ZMYM6: variants seen among roughly 807,000 people sequenced by gnomAD.
The protein encoded by ZMYM6 is zinc finger MYM-type protein 6.
In ZMYM6, 90 loss-of-function variants were observed where a neutral mutation model predicts 134.0. The observed-to-expected ratio is 0.67, with a 90% confidence interval of 0.57 to 0.80. The LOEUF (loss-of-function observed/expected upper bound fraction) is 0.80, where lower values mean the gene tolerates loss of function less well. Ranked by LOEUF, ZMYM6 falls within the 30% of genes least tolerant of loss-of-function variation. The pLI, the probability that ZMYM6 is intolerant of heterozygous loss-of-function variation, is 0.00. For missense variants in ZMYM6, 1,362 were observed against 1,533.9 expected (o/e 0.89, Z 1.87); for synonymous variants, 481 against 524.1 (o/e 0.92, Z 1.12).
Position 34,989,473 on chromosome 1 carries a change from T to C in ZMYM6, c.2147-538A>G, listed in dbSNP as rs370800683. ...GGGTAGCTAAAGCAAGAGGATTGCC[T>C]GAGCCCAGGAGGTTGAGCCTGCAGA... On this transcript the variant is annotated intron_variant, in intron 15 of 15. Coordinates refer to ENST00000357182, the MANE Select transcript of ZMYM6 (RefSeq NM_007167.4). The C allele has an allele frequency of 7.8e-4, 120 of 154,112 alleles. 2 individuals are homozygous for C. In the South Asian group the frequency reaches 0.019, roughly 24 times the overall value. The allele number at this position is 154,112 out of a possible 1,614,324, so 9.5% of individuals were successfully genotyped here. A position where few individuals can be genotyped will look rare whatever the true frequency, so the allele number is the denominator to read the frequency against.
Position 35,024,230 on chromosome 1 carries a change from C to T in ZMYM6, c.94-3763G>A, listed in dbSNP as rs183336408. On this transcript the variant is annotated intron_variant, in intron 2 of 15. Transcript: ENST00000357182. ...CTTTTTAGCTATAGCTGAAATAGTG[C>T]TATTTTAGAATAATTATGTTCCAAG... Among the ~76,000 whole-genome samples, 221 of 152,272 alleles carry T rather than the reference C, an allele frequency of 1.5e-3. 1 individual carries two copies. Among genetic ancestry groups the T allele is most frequent in the African/African-American group, 4.8e-3 (198 of 41,544 alleles).
chr1:35,014,562 T>C, intron 6 of ZMYM6, 135 bp downstream of exon 6: 1 of 857,672 alleles, frequency 1.2e-6, no homozygotes. Context: ...TCAGAATCTA[T>C]CCCATTTTCT....
chr1:34,996,862 AT>A (rs1379721704), intron 14 of ZMYM6, among the ~76,000 whole-genome samples: 1 of 152,132 alleles, frequency 6.6e-6, no homozygotes, highest in Non-Finnish European at 1.5e-5. Flanking sequence ...ATGTAGAGCT[AT>A]TTTTTTCTAA....
rs142879653 is a variant in ZMYM6 at position 35,010,783 on chromosome 1, G to C, written c.1316C>G (p.Thr439Arg). ...CTTGTAAAAAAGAAGTTCTGGTTTT[G>C]TGGCAAATAGATGGTTACAGTGCTG... ...KCQHCNHLFATKPELLFYKGK... is the reference protein window; with the variant it reads ...KCQHCNHLFARKPELLFYKGK... Residue 439 changes from threonine (T) to arginine (R), a missense_variant, in exon 9 of 16, where the codon ACA (threonine) becomes AGA (arginine). Physicochemically the swap from Thr to Arg is moderately conservative, Grantham distance 71 (BLOSUM62 -1). Around this residue, in one of 3 missense-constraint regions of ZMYM6, gnomAD observed 503 missense variants for 520.8 expected, o/e 0.97. Coordinates refer to ENST00000357182, the MANE Select transcript of ZMYM6 (RefSeq NM_007167.4). 3 of 1,572,664 alleles carry C rather than the reference G, an allele frequency of 1.9e-6. No homozygotes were observed. The highest frequency in any genetic ancestry group is 1.7e-4 in the Middle Eastern group (1 of 5,808).
chr1:34,992,078 A>G (rs1443571627), intron 15 of ZMYM6, 156 bp downstream of exon 15: 1 of 924,616 alleles, frequency 1.1e-6, no homozygotes, highest in Non-Finnish European at 1.7e-6. Flanking sequence ...AATAATTATG[A>G]AAGCAATAAA....
intron 14 of ZMYM6, among the ~76,000 whole-genome samples, chr1:35,003,210 C>T (rs1390599775): frequency 1.5e-5 from 2 of 135,018 alleles, no homozygotes; most frequent in South Asian, 2.4e-4. Flanking sequence ...AAAAGCATAA[C>T]AGTCATCAAA....
intron 4 of ZMYM6, chr1:35,018,483 A>T (rs1641245609): frequency 1.3e-5 from 2 of 151,832 alleles, no homozygotes; most frequent in South Asian, 4.1e-4. Flanking sequence ...TATTATATAC[A>T]CATATATTTA....
At chr1:34,989,346 C>T (rs11263885) in intron 15 of ZMYM6, 54,576 of 654,588 alleles carry the variant, frequency 0.083, 12,742 homozygotes, top group African/African-American at 0.69. Flanking sequence ...GAGACCAGCC[C>T]GGGCAACATG....
chr1:34,991,286 TATATA>T (rs1450909515), intron 15 of ZMYM6, among the ~76,000 whole-genome samples: 3 of 152,166 alleles, frequency 2.0e-5, no homozygotes, highest in African/African-American at 7.2e-5. Flanking sequence ...TGTGAACGTG[TATATA>T]ATATAAATTC....
chr1:34,986,732 C>T lies in ZMYM6; in HGVS notation c.*372G>A, dbSNP rs1446493071. 6.5e-6 allele frequency: 1 copy of T among 154,466 alleles called. No homozygotes were observed. Among genetic ancestry groups the T allele is most frequent in the African/African-American group, 2.4e-5 (1 of 41,520 alleles). 9.6% of individuals were successfully genotyped at this position (154,466 alleles called of 1,614,324 possible). A position where few individuals can be genotyped will look rare whatever the true frequency, so the allele number is the denominator to read the frequency against. ...TCTCAAAAAAAAGATCTATCTTTTC[C>T]ACCTACTCACAACCTTGCAGGGGTA... On this transcript the variant is annotated 3_prime_UTR_variant, in exon 16 of 16. Coordinates refer to ENST00000357182, the MANE Select transcript of ZMYM6 (RefSeq NM_007167.4).
At chr1:35,022,764 T>C (rs899008190) in intron 2 of ZMYM6, among the ~76,000 whole-genome samples, 4 of 152,132 alleles carry the variant, frequency 2.6e-5, no homozygotes, top group Admixed American at 6.6e-5. Context: ...ATGCTTAACA[T>C]TCATCCTTCC....
chr1:35,029,778 G>C (rs577913656), intron 2 of ZMYM6, among the ~76,000 whole-genome samples: 1 of 152,224 alleles, frequency 6.6e-6, no homozygotes, highest in Non-Finnish European at 1.5e-5. Context: ...CCCTTAGAGA[G>C]GCCTTCCCTA....
At chr1:35,012,362 CAG>C (rs1183886316) in intron 7 of ZMYM6, 67 bp downstream of exon 7, 1 of 1,285,250 alleles carries the variant, frequency 7.8e-7, no homozygotes, top group African/African-American at 1.5e-5. Flanking sequence ...GTAACAAAAT[CAG>C]AGAAAAGCAG....
At chr1:35,007,656 T>G (rs553848241) in intron 11 of ZMYM6, among the ~76,000 whole-genome samples, 1 of 151,554 alleles carries the variant, frequency 6.6e-6, no homozygotes, top group Non-Finnish European at 1.5e-5. Context: ...TAAAGATAGG[T>G]TCATAACTGG....
chr1:34,996,419 C>CA (rs1245476771), intron 14 of ZMYM6, among the ~76,000 whole-genome samples: 2 of 151,942 alleles, frequency 1.3e-5, no homozygotes, highest in Non-Finnish European at 2.9e-5. Flanking sequence ...ACAGATGTGC[C>CA]AAAAAATTCA....
At chr1:35,013,884 G>T (rs1010033313) in intron 6 of ZMYM6, among the ~76,000 whole-genome samples, 1 of 152,078 alleles carries the variant, frequency 6.6e-6, no homozygotes, top group South Asian at 2.1e-4. Context: ...TACAGACAGG[G>T]TTTCACCATG....
intron 4 of ZMYM6, chr1:35,019,105 A>G: frequency 3.4e-6 from 2 of 593,178 alleles, no homozygotes; most frequent in Middle Eastern, 4.5e-4. Context: ...CAATTCCCAC[A>G]TGTCATTTGT....
intron 2 of ZMYM6, among the ~76,000 whole-genome samples, chr1:35,026,785 A>T (rs753411274): frequency 6.6e-6 from 1 of 152,180 alleles, no homozygotes; most frequent in Non-Finnish European, 1.5e-5. Flanking sequence ...CTTATATGTG[A>T]AAGAGGCTCT....
chr1:34,986,225 T>A lies in ZMYM6; in HGVS notation c.*879A>T, dbSNP rs1449781607. 6.6e-6 allele frequency: 1 copy of A among 152,270 alleles called. No homozygotes were observed. Among genetic ancestry groups the A allele is most frequent in the Non-Finnish European group, 1.5e-5 (1 of 68,048 alleles). The allele number at this position is 152,270 out of a possible 1,614,324, so 9.4% of individuals were successfully genotyped here. A position where few individuals can be genotyped will look rare whatever the true frequency, so the allele number is the denominator to read the frequency against. On this transcript the variant is annotated 3_prime_UTR_variant, in exon 16 of 16. Coordinates refer to ENST00000357182, the MANE Select transcript of ZMYM6 (RefSeq NM_007167.4). ...GCCACACTTATCTGCATATTGTCTA[T>A]GGCTGCTTTTGCACTGCAACTGCAG...
Sources: allele counts gnomAD v4.1 joint callset (sites outside exome capture counted in the v4.1 genomes callset), GRCh38; gene constraint gnomAD v4.1.1; regional missense constraint gnomAD v4.1.1; transcripts MANE v1.5; gene names NCBI Gene and HGNC (gene_info 2026-07-23, HGNC 2026-07-21).